The following GPT2 variants were observed in gnomAD, a reference collection of about 807,000 sequenced individuals.
GPT2 encodes alanine aminotransferase 2.
Under a neutral mutation model 56.9 loss-of-function variants are expected in GPT2, and 30 were observed. The ratio of observed to expected loss-of-function variants is 0.53; its 90% CI spans 0.39 to 0.72. The LOEUF (loss-of-function observed/expected upper bound fraction) is 0.72. GPT2 is among the 30% of genes least tolerant of loss of function. The pLI is 0.00. For synonymous variants in GPT2, 271 were observed against 283.1 expected, an observed-to-expected ratio of 0.96 and a Z score of 0.43; for missense variants, 542 against 703.4, an observed-to-expected ratio of 0.77 and a Z score of 2.60.
intron 6 of GPT2, among the ~76,000 whole-genome samples, chr16:46,910,380 CAAAAAAAAAAAA>C (rs4039999): frequency 6.7e-4 from 31 of 46,478 alleles, no homozygotes; most frequent in South Asian, 3.5e-3. Context: ...GACTCTGTCT[CAAAAAAAAAAAA>C]AAAAAAAAAA....
chr16:46,902,904 G>A (rs1279007664), intron 4 of GPT2, among the ~76,000 whole-genome samples: 10 of 152,012 alleles, frequency 6.6e-5, no homozygotes, highest in Non-Finnish European at 1.3e-4. Flanking sequence ...GATTATAGGC[G>A]TGAGCCACCG....
At chr16:46,910,118 T>C (rs1961017164) in intron 6 of GPT2, among the ~76,000 whole-genome samples, 191 bp downstream of exon 6, 1 of 152,096 alleles carries the variant, frequency 6.6e-6, no homozygotes, top group Admixed American at 6.6e-5. Context: ...CGGTGGCCCA[T>C]GCCTGTAATC....
chr16:46,914,866 T>TG (rs1176917900), intron 6 of GPT2, among the ~76,000 whole-genome samples: 3 of 152,008 alleles, frequency 2.0e-5, no homozygotes, highest in African/African-American at 4.8e-5. Context: ...TGTGCAGTAA[T>TG]GGGGGGGAGG....
chr16:46,885,442 C>T, intron 2 of GPT2: 8 of 978,764 alleles, frequency 8.2e-6, no homozygotes, highest in Non-Finnish European at 9.7e-6. Flanking sequence ...TCCCCAGTCT[C>T]TTTCTCCGTG....
At position 46,924,533 on chromosome 16, in the gene GPT2, G is replaced by A. The variant is rs770823074; in HGVS notation, c.1357G>A (p.Glu453Lys). The A allele has an allele frequency of 1.1e-5, 18 of 1,614,060 alleles. No homozygotes were observed. Among genetic ancestry groups the A allele is most frequent in the Non-Finnish European group, 1.4e-5 (17 of 1,180,012 alleles). Residue 453 changes from glutamate to lysine, a missense_variant, in exon 10 of 12, where the codon GAG becomes AAG. Glu to Lys is a moderately conservative substitution (Grantham distance 56). Coordinates refer to ENST00000340124, the MANE Select transcript of GPT2 (RefSeq NM_133443.4). ...GATCTTCATTCCTGCCAAAGCTGTG[G>A]AGGCTGCTCAGGTCTGGGGCATGGG... ...PRIFIPAKAV[E>K]AAQAHQMAPD...
intron 6 of GPT2, among the ~76,000 whole-genome samples, chr16:46,913,645 G>T (rs1461256370): frequency 6.6e-6 from 1 of 152,196 alleles, no homozygotes; most frequent in African/African-American, 2.4e-5. Flanking sequence ...CAAGGTACGT[G>T]TGTATGTTTT....
rs1203017499 is a variant in GPT2 at position 46,884,847 on chromosome 16, C to T, written c.132C>T (p.Arg44=). 1 of 1,542,510 alleles carries T rather than the reference C, an allele frequency of 6.5e-7. No homozygotes were observed. The highest frequency in any genetic ancestry group is 2.5e-5 in the East Asian group (1 of 40,228). ...AGGTGCGGCCCGAGCGCAGCCGGCGCGAGCGCATCCTCACGCTGGAGTCCA... is the reference window on the plus strand; with the variant it reads ...AGGTGCGGCCCGAGCGCAGCCGGCGTGAGCGCATCCTCACGCTGGAGTCCA... ...VLKVRPERSR[R]ERILTLESMN... Residue 44 remains arginine, a synonymous_variant, in exon 2 of 12, where the codon CGC becomes CGT. Coordinates refer to ENST00000340124, the MANE Select transcript of GPT2 (RefSeq NM_133443.4).
chr16:46,891,133 A>G (rs1038692074), intron 2 of GPT2, among the ~76,000 whole-genome samples: 1 of 152,202 alleles, frequency 6.6e-6, no homozygotes, highest in Non-Finnish European at 1.5e-5. Context: ...ATGGCCTCCT[A>G]AAGTGCTGGG....
Position 46,884,936 on chromosome 16 carries a change from A to C in GPT2, c.221A>C (p.Glu74Ala). 6.6e-7 allele frequency: 1 copy of C among 1,525,482 alleles called. No individual in the cohort carries two copies. The highest frequency in any genetic ancestry group is 1.2e-5 in the South Asian group (1 of 81,810). The allele number at this position is 1,525,482 out of a possible 1,614,324, so 94.5% of individuals were successfully genotyped here. A position where few individuals can be genotyped will look rare whatever the true frequency, so the allele number is the denominator to read the frequency against. Residue 74 changes from glutamate to alanine, a missense_variant, in exon 2 of 12, where the codon GAG becomes GCG. Physicochemically the swap from Glu to Ala is moderately radical, Grantham distance 107. Transcript: ENST00000340124. ...VRGPIVLKAGEIELELQRGIK... is the reference protein window; with the variant it reads ...VRGPIVLKAGAIELELQRGIK... ...GGACCCATCGTGCTCAAGGCCGGCG[A>C]GATCGAGCTCGAGCTGCAGCGGGTG...
intron 10 of GPT2, among the ~76,000 whole-genome samples, 177 bp downstream of exon 10, chr16:46,924,721 T>C (rs1201913692): frequency 2.0e-5 from 3 of 152,204 alleles, no homozygotes; most frequent in Non-Finnish European, 4.4e-5. Context: ...GAGGCCCAGC[T>C]GTGTGCTGTG....
chr16:46,908,082 G>T (rs536080714), intron 5 of GPT2, among the ~76,000 whole-genome samples: 1 of 151,346 alleles, frequency 6.6e-6, no homozygotes, highest in East Asian at 2.0e-4. Flanking sequence ...GGGTTTGGGG[G>T]ACTGGTAGAG....
At chr16:46,918,513 G>T in intron 7 of GPT2, 108 bp from the exon 8 acceptor site, 4 of 1,286,328 alleles carry the variant, frequency 3.1e-6, no homozygotes, top group Non-Finnish European at 4.4e-6. Context: ...AGGCTGGGCC[G>T]GCTGGGCCTC....
intron 2 of GPT2, chr16:46,885,225 G>A: frequency 2.4e-6 from 3 of 1,228,730 alleles, no homozygotes; most frequent in Non-Finnish European, 3.0e-6. Flanking sequence ...GGCACCGCAC[G>A]TTGTGTGTCT....
chr16:46,926,802 C>T (rs1333995265), intron 10 of GPT2, 123 bp from the exon 11 acceptor site: 5 of 551,552 alleles, frequency 9.1e-6, no homozygotes, highest in African/African-American at 5.8e-5. Flanking sequence ...CCTCTAGGAG[C>T]GGAAGGGGAG....
At chr16:46,928,879 A>G (rs776991741) in intron 11 of GPT2, 28 bp from the exon 12 acceptor site, 2 of 1,559,924 alleles carry the variant, frequency 1.3e-6, no homozygotes, top group Non-Finnish European at 1.8e-6. Flanking sequence ...CAGAGCAGCC[A>G]GGCTGACACT....
At chr16:46,888,222 C>T (rs1184454659) in intron 2 of GPT2, among the ~76,000 whole-genome samples, 2 of 152,220 alleles carry the variant, frequency 1.3e-5, no homozygotes, top group Middle Eastern at 3.2e-3. Flanking sequence ...TGCATCCAAA[C>T]AAAGGTAAAA....
rs1197537996 is a variant in GPT2, at chr16:46,907,018, A to G, written c.576+43A>G. ...TCGTTGTTATCCGGTGTTTACCCAC[A>G]TGAAGAGCAGCCTTGCCTGTTAGGG... On this transcript the variant is annotated intron_variant, in intron 5 of 11. Transcript: ENST00000340124. 3.7e-6 allele frequency: 6 copies of G among 1,611,648 alleles called. No individual in the cohort carries two copies. In the African/African-American group the frequency reaches 5.3e-5, roughly 14 times the overall value.
chr16:46,896,584 T>C (rs1960690161), intron 2 of GPT2, among the ~76,000 whole-genome samples: 1 of 152,234 alleles, frequency 6.6e-6, no homozygotes, highest in South Asian at 2.1e-4. Flanking sequence ...TGTCCCTGGC[T>C]AGTCATTTAG....
intron 2 of GPT2, among the ~76,000 whole-genome samples, chr16:46,887,129 C>T (rs1017481018): frequency 1.3e-5 from 2 of 152,096 alleles, no homozygotes; most frequent in Non-Finnish European, 2.9e-5. Context: ...TCTCCTTGTG[C>T]AGCTTTGGTT....
Sources: allele counts gnomAD v4.1 joint callset (sites outside exome capture counted in the v4.1 genomes callset), GRCh38; gene constraint gnomAD v4.1.1; transcripts MANE v1.5; gene names NCBI Gene and HGNC (gene_info 2026-07-23, HGNC 2026-07-21).